The following ADD2 variants were observed in gnomAD, a reference collection of about 807,000 sequenced individuals.
ADD2 encodes the protein beta-adducin.
A neutral mutation model predicts 83.0 loss-of-function variants in ADD2; 23 were observed. The ratio of observed to expected loss-of-function variants is 0.28; its 90% CI spans 0.20 to 0.39. The LOEUF (loss-of-function observed/expected upper bound fraction) is 0.39, where lower values mean the gene tolerates loss of function less well. Ranked by LOEUF, ADD2 falls within the 10% of genes least tolerant of loss-of-function variation. The pLI is 1.00. For synonymous variants in ADD2, 375 were observed against 375.4 expected, an observed-to-expected ratio of 1.00 and a Z score of 0.01; for missense variants, 758 against 944.9, an observed-to-expected ratio of 0.80 and a Z score of 2.59.
chr2:70,668,347 C>T (rs1023437180), intron 15 of ADD2, among the ~76,000 whole-genome samples: 3 of 152,282 alleles, frequency 2.0e-5, no homozygotes, highest in Middle Eastern at 3.4e-3. Flanking sequence ...TCCTGTCTGC[C>T]GCTCCAAGCA....
chr2:70,751,048 T>C (rs1553382863), intron 1 of ADD2, among the ~76,000 whole-genome samples: 1 of 152,214 alleles, frequency 6.6e-6, no homozygotes, highest in Admixed American at 6.5e-5. Flanking sequence ...CATTTGAATA[T>C]AAATGCCCTA....
intron 2 of ADD2, among the ~76,000 whole-genome samples, chr2:70,707,532 C>T (rs895489562): frequency 7.6e-6 from 1 of 132,094 alleles, no homozygotes; most frequent in African/African-American, 2.9e-5. Flanking sequence ...CCTGCAGTTC[C>T]GGGCTTCACT....
At position 70,695,718 on chromosome 2, in the gene ADD2, C is replaced by T; in HGVS notation, c.555+3G>A. On this transcript the variant is annotated splice_donor_region_variant and intron_variant, in intron 6 of 15. Coordinates refer to ENST00000264436, the MANE Select transcript of ADD2 (RefSeq NM_001617.4). ...GTGGGCAGTGATGCTGGACTGTACTCACCAGGCTGGACGCTGTGACTTCAC... is the reference window on the plus strand; with the variant it reads ...GTGGGCAGTGATGCTGGACTGTACTTACCAGGCTGGACGCTGTGACTTCAC... The T allele has an allele frequency of 1.2e-6, 2 of 1,613,866 alleles. No homozygotes were observed. Among genetic ancestry groups the T allele is most frequent in the South Asian group, 2.2e-5 (2 of 91,058 alleles).
intron 1 of ADD2, among the ~76,000 whole-genome samples, chr2:70,728,074 A>C (rs1270650008): frequency 1.3e-5 from 2 of 152,110 alleles, no homozygotes; most frequent in African/African-American, 4.8e-5. Flanking sequence ...GGCAGAGAAA[A>C]GTGGATTTAG....
At position 70,672,946 on chromosome 2, in the gene ADD2, G is replaced by A; in HGVS notation, c.1802C>T (p.Pro601Leu). 6.2e-7 allele frequency: 1 copy of A among 1,613,846 alleles called. No homozygotes were observed. The highest frequency in any genetic ancestry group is 8.5e-7 in the Non-Finnish European group (1 of 1,179,934). The change falls in exon 15 of 16, where the codon CCA (proline) becomes CTA (leucine). Residue 601 changes from proline to leucine, a missense_variant. Pro to Leu is a moderately conservative substitution (Grantham distance 98). This residue lies in a region of ADD2 where 165 missense variants were observed against 176.2 expected (regional missense o/e 0.94). Transcript: ENST00000264436. ...TGCCTCCTTCGCTGGGCTCTGCACT[G>A]GAGAAGCAGGTGCAGACTTTGCAGG... ...GSPAKSAPAS[P>L]VQSPAKEAET...
intron 1 of ADD2, among the ~76,000 whole-genome samples, chr2:70,753,422 G>C (rs562045659): frequency 8.9e-4 from 135 of 152,234 alleles, no homozygotes; most frequent in African/African-American, 3.1e-3. Flanking sequence ...ATGGGAGGAG[G>C]GGGGAAGGAA....
intron 1 of ADD2, 89 bp from the exon 2 acceptor site, chr2:70,713,273 AT>A: frequency 1.9e-6 from 1 of 512,824 alleles, no homozygotes; most frequent in Non-Finnish European, 2.5e-6. Context: ...ATTCCTTAAA[AT>A]GAACTTGAAA....
chr2:70,693,195 C>G (rs1553372029), intron 6 of ADD2, among the ~76,000 whole-genome samples: 1 of 152,148 alleles, frequency 6.6e-6, no homozygotes, highest in Non-Finnish European at 1.5e-5. Flanking sequence ...CCAAGGTAAA[C>G]AGAACTCTCT....
chr2:70,750,425 T>C (rs1257060872), intron 1 of ADD2, among the ~76,000 whole-genome samples: 1 of 152,162 alleles, frequency 6.6e-6, no homozygotes, highest in Admixed American at 6.5e-5. Flanking sequence ...CAAGTGAAGA[T>C]GAAGTCATAG....
chr2:70,738,633 G>A (rs1553380572), intron 1 of ADD2, among the ~76,000 whole-genome samples: 3 of 152,174 alleles, frequency 2.0e-5, no homozygotes, highest in African/African-American at 7.2e-5. Context: ...TACCAGGACC[G>A]CAGTGCTGGT....
In ADD2 at chr2:70,672,896, G is replaced by T. The variant is rs1339170066; in HGVS notation, c.1852C>A (p.Pro618Thr). Reference sequence around the variant, plus strand: ...GACTCACCCTCTAAAGACTTGGAAGGAGAGACTAAAGGGCTCTTTGTCTCT... The same window carrying T: ...GACTCACCCTCTAAAGACTTGGAAGTAGAGACTAAAGGGCTCTTTGTCTCT... Reference protein sequence around the residue: ...EAETKSPLVSPSKSLEEGTKK... With the variant: ...EAETKSPLVSTSKSLEEGTKK... Residue 618 changes from proline (P) to threonine (T), a missense_variant, in exon 15 of 16, where the codon CCT (proline) becomes ACT (threonine). Physicochemically the swap from Pro to Thr is conservative, Grantham distance 38 (BLOSUM62 -1). Around this residue, in one of 5 missense-constraint regions of ADD2, gnomAD observed 165 missense variants for 176.2 expected, o/e 0.94. Coordinates refer to ENST00000264436, the MANE Select transcript of ADD2 (RefSeq NM_001617.4). 5.6e-6 allele frequency: 9 copies of T among 1,612,842 alleles called. No homozygotes were observed. Among genetic ancestry groups the T allele is most frequent in the Non-Finnish European group, 7.6e-6 (9 of 1,179,614 alleles).
chr2:70,688,599 T>C (rs1342298523), intron 8 of ADD2, among the ~76,000 whole-genome samples: 2 of 152,150 alleles, frequency 1.3e-5, no homozygotes, highest in African/African-American at 4.8e-5. Flanking sequence ...TTAGTTGACG[T>C]GGGAGTCAAA....
intron 4 of ADD2, 109 bp from the exon 5 acceptor site, chr2:70,696,505 C>T (rs1671323000): frequency 1.4e-6 from 2 of 1,425,368 alleles, no homozygotes; most frequent in Middle Eastern, 1.8e-4. Context: ...AGGAGACTTC[C>T]CCAGGCAGGG....
intron 2 of ADD2, among the ~76,000 whole-genome samples, chr2:70,712,350 A>G (rs1223687629): frequency 1.3e-5 from 2 of 151,470 alleles, no homozygotes; most frequent in Non-Finnish European, 2.9e-5. Flanking sequence ...AGGCTGAGGC[A>G]GGAGAATCGC....
At chr2:70,675,585 AT>A (rs781939864) in intron 13 of ADD2, 1 of 985,434 alleles carries the variant, frequency 1.0e-6, no homozygotes, top group Non-Finnish European at 1.2e-6. Flanking sequence ...TTTTTTCCTA[AT>A]TCAGCATCCT....
chr2:70,689,851 G>GA (rs1218511368), intron 8 of ADD2, among the ~76,000 whole-genome samples: 2 of 152,150 alleles, frequency 1.3e-5, no homozygotes, highest in Non-Finnish European at 2.9e-5. Flanking sequence ...CAAGCTAGTG[G>GA]AAAAATAAAG....
At chr2:70,750,640 G>A (rs1553382796) in intron 1 of ADD2, among the ~76,000 whole-genome samples, 3 of 152,176 alleles carry the variant, frequency 2.0e-5, no homozygotes, top group African/African-American at 7.2e-5. Flanking sequence ...CAGGGAAGGA[G>A]TACCCTAGAG....
intron 15 of ADD2, 47 bp downstream of exon 15, chr2:70,672,831 C>T: frequency 6.4e-7 from 1 of 1,562,608 alleles, no homozygotes; most frequent in Non-Finnish European, 8.6e-7. Context: ...TCCCAGCCTG[C>T]AGATGCACCC....
chr2:70,704,274 C>CCCCCCCCCCCCCCCCA, intron 4 of ADD2, 47 bp downstream of exon 4: 1 of 1,391,804 alleles, frequency 7.2e-7, no homozygotes, highest in Admixed American at 2.1e-5. Context: ...CCCCACCCCA[C>CCCCCCCCCCCCCCCCA]CCTCCCCTCC....
Sources: allele counts gnomAD v4.1 joint callset (sites outside exome capture counted in the v4.1 genomes callset), GRCh38; gene constraint gnomAD v4.1.1; regional missense constraint gnomAD v4.1.1; transcripts MANE v1.5; gene names NCBI Gene and HGNC (gene_info 2026-07-23, HGNC 2026-07-21).